The following TMEM132C variants were observed in gnomAD, a reference collection of about 807,000 sequenced individuals.
TMEM132C encodes transmembrane protein 132C.
Under a neutral mutation model 61.4 loss-of-function variants are expected in TMEM132C, and 29 were observed. The observed-to-expected ratio is 0.47, with a 90% confidence interval of 0.35 to 0.64. The LOEUF (loss-of-function observed/expected upper bound fraction) is 0.64. Ranked by LOEUF, TMEM132C falls within the 30% of genes least tolerant of loss-of-function variation. The pLI, the probability that TMEM132C is intolerant of heterozygous loss-of-function variation, is 0.00. For synonymous variants in TMEM132C, 656 were observed against 633.1 expected (o/e 1.04, Z -0.54); for missense variants, 1,408 against 1,476.9 (o/e 0.95, Z 0.76).
chr12:128,571,040 A>G (rs1017855758), intron 3 of TMEM132C, among the ~76,000 whole-genome samples: 1 of 152,198 alleles, frequency 6.6e-6, no homozygotes, highest in Non-Finnish European at 1.5e-5. Context: ...GACAGGAGGG[A>G]CATGCTTTCT....
intron 1 of TMEM132C, among the ~76,000 whole-genome samples, chr12:128,359,337 G>C (rs1873622126): frequency 6.6e-6 from 1 of 152,162 alleles, no homozygotes; most frequent in African/African-American, 2.4e-5. Flanking sequence ...AGCATGTGCA[G>C]GGGAACTCTC....
chr12:128,696,548 A>G (rs577771067), intron 7 of TMEM132C, among the ~76,000 whole-genome samples: 2 of 152,236 alleles, frequency 1.3e-5, no homozygotes, highest in Admixed American at 1.3e-4. Flanking sequence ...TACTTATTCA[A>G]CAAACTCTCT....
intron 1 of TMEM132C, among the ~76,000 whole-genome samples, chr12:128,392,789 A>G (rs1032432919): frequency 3.2e-5 from 2 of 63,436 alleles, no homozygotes; most frequent in African/African-American, 1.7e-4. Flanking sequence ...GATGAGCTAA[A>G]AAAAAAAAAA....
chr12:128,520,215 C>A (rs959743823), intron 2 of TMEM132C, among the ~76,000 whole-genome samples: 5 of 152,218 alleles, frequency 3.3e-5, no homozygotes, highest in South Asian at 2.1e-4. Context: ...CAGCTCAGAG[C>A]CCTCGCTCAG....
intron 2 of TMEM132C, among the ~76,000 whole-genome samples, chr12:128,533,985 C>T (rs1039022211): frequency 7.0e-6 from 1 of 143,540 alleles, no homozygotes; most frequent in Admixed American, 7.0e-5. Context: ...ACACACTCCT[C>T]ATCATACCCA....
At chr12:128,407,597 C>T (rs567785703) in intron 1 of TMEM132C, among the ~76,000 whole-genome samples, 1 of 152,164 alleles carries the variant, frequency 6.6e-6, no homozygotes, top group African/African-American at 2.4e-5. Flanking sequence ...CAGCTGGGAT[C>T]GCACCGCTCG....
chr12:128,697,436 G>A (rs1230773022), intron 8 of TMEM132C, 21 bp downstream of exon 8: 14 of 1,517,326 alleles, frequency 9.2e-6, no homozygotes, highest in Non-Finnish European at 1.2e-5. Context: ...AAATGCCAGA[G>A]GTTCAGAGGG....
chr12:128,404,164 A>G (rs1312469416), intron 1 of TMEM132C, among the ~76,000 whole-genome samples: 1 of 152,186 alleles, frequency 6.6e-6, no homozygotes, highest in African/African-American at 2.4e-5. Context: ...TGCACACCCT[A>G]AAACAATTCC....
intron 4 of TMEM132C, among the ~76,000 whole-genome samples, chr12:128,659,537 C>G (rs1954363538): frequency 6.6e-6 from 1 of 152,238 alleles, no homozygotes; most frequent in African/African-American, 2.4e-5. Flanking sequence ...ACACCCTGAG[C>G]TCTGTGGACG....
chr12:128,393,376 T>C (rs1173052610), intron 1 of TMEM132C, among the ~76,000 whole-genome samples: 1 of 152,102 alleles, frequency 6.6e-6, no homozygotes, highest in African/African-American at 2.4e-5. Context: ...TAAAATAGAC[T>C]CTCCTTCCTA....
chr12:128,470,733 T>C (rs1870922646), intron 2 of TMEM132C, among the ~76,000 whole-genome samples: 1 of 152,200 alleles, frequency 6.6e-6, no homozygotes. Flanking sequence ...ACATCAGGTA[T>C]CTGTACACTT....
At chr12:128,406,820 G>A (rs1160566989) in intron 1 of TMEM132C, among the ~76,000 whole-genome samples, 1 of 152,176 alleles carries the variant, frequency 6.6e-6, no homozygotes, top group African/African-American at 2.4e-5. Context: ...AGTAGAGCAA[G>A]GTGAGCCCTG....
At chr12:128,651,245 C>T (rs1460071040) in intron 4 of TMEM132C, among the ~76,000 whole-genome samples, 1 of 152,210 alleles carries the variant, frequency 6.6e-6, no homozygotes, top group Non-Finnish European at 1.5e-5. Flanking sequence ...CTGCCCTGAG[C>T]TATCCATCAT....
chr12:128,411,271 C>T (rs1473912106), intron 1 of TMEM132C, among the ~76,000 whole-genome samples: 1 of 152,122 alleles, frequency 6.6e-6, no homozygotes, highest in Non-Finnish European at 1.5e-5. Context: ...TGTGAATCTC[C>T]TGTTACTCAT....
At chr12:128,590,402 CTG>C (rs1310195404) in intron 3 of TMEM132C, among the ~76,000 whole-genome samples, 2 of 152,090 alleles carry the variant, frequency 1.3e-5, no homozygotes, top group South Asian at 2.1e-4. Context: ...AATTCAGAAA[CTG>C]TGCAGGTGGA....
At chr12:128,397,067 C>T (rs1334446023) in intron 1 of TMEM132C, among the ~76,000 whole-genome samples, 1 of 152,156 alleles carries the variant, frequency 6.6e-6, no homozygotes, top group Admixed American at 6.5e-5. Flanking sequence ...ATCAGGTGCC[C>T]CCACCATACA....
At chr12:128,678,206 T>C (rs1233015204) in intron 5 of TMEM132C, among the ~76,000 whole-genome samples, 1 of 152,204 alleles carries the variant, frequency 6.6e-6, no homozygotes, top group Non-Finnish European at 1.5e-5. Context: ...CTGGAAGGTC[T>C]TTATCCTCAA....
At chr12:128,484,683 G>A (rs560849997) in intron 2 of TMEM132C, among the ~76,000 whole-genome samples, 6 of 152,284 alleles carry the variant, frequency 3.9e-5, no homozygotes, top group African/African-American at 1.2e-4. Flanking sequence ...TTTTGGCAGC[G>A]TGGCGACTCA....
rs140039857 is a variant in TMEM132C, at chr12:128,450,519, T to C, written c.974+34899T>C. Among the ~76,000 whole-genome samples the C allele has an allele frequency of 5.1e-3, 778 of 152,322 alleles. 5 individuals are homozygous for C. Among genetic ancestry groups the C allele is most frequent in the African/African-American group, 0.018 (756 of 41,582 alleles). On this transcript the variant is annotated intron_variant, in intron 2 of 8. Transcript: ENST00000435159. Reference sequence around the variant, plus strand: ...AAATGCCCTAGGCTATGGTAAATAATTCCAAAAACATGGTAGGCATGCCAC... The same window carrying C: ...AAATGCCCTAGGCTATGGTAAATAACTCCAAAAACATGGTAGGCATGCCAC...
Sources: allele counts gnomAD v4.1 joint callset (sites outside exome capture counted in the v4.1 genomes callset), GRCh38; gene constraint gnomAD v4.1.1; transcripts MANE v1.5; gene names NCBI Gene and HGNC (gene_info 2026-07-23, HGNC 2026-07-21).